The following BLM variants were observed in gnomAD, a reference collection of about 807,000 sequenced individuals.
The protein encoded by BLM is BLM RecQ like helicase, also known as recQ-like DNA helicase BLM.
A neutral mutation model predicts 135.3 loss-of-function variants in BLM; 95 were observed. That is an observed-to-expected ratio of 0.70 (90% CI 0.59 to 0.83). BLM has a LOEUF of 0.83. BLM is among the 40% of genes least tolerant of loss of function. The probability of loss-of-function intolerance (pLI) is 0.00; values close to 1 mark genes in which losing one functional copy is unlikely to be tolerated. For missense variants in BLM, 1,518 were observed against 1,663.9 expected (o/e 0.91, Z 1.53); for synonymous variants, 520 against 589.2 (o/e 0.88, Z 1.70).
chr15:90,782,479 A>T (rs1343540105), intron 12 of BLM, among the ~76,000 whole-genome samples: 1 of 152,246 alleles, frequency 6.6e-6, no homozygotes, highest in Non-Finnish European at 1.5e-5. Flanking sequence ...CTTAAACAAC[A>T]GAAATTTATT....
At chr15:90,792,262 C>T (rs1375302773) in intron 15 of BLM, among the ~76,000 whole-genome samples, 1 of 151,726 alleles carries the variant, frequency 6.6e-6, no homozygotes, top group East Asian at 1.9e-4. Flanking sequence ...CCCACCACCA[C>T]ACCCAGCTAA....
chr15:90,782,366 C>T (rs1031256163), intron 12 of BLM, among the ~76,000 whole-genome samples: 13 of 151,906 alleles, frequency 8.6e-5, no homozygotes, highest in African/African-American at 2.2e-4. Flanking sequence ...CCAGCCTGGG[C>T]GACAGAGTGA....
At chr15:90,762,172 C>G (rs1441596243) in intron 7 of BLM, among the ~76,000 whole-genome samples, 1 of 152,156 alleles carries the variant, frequency 6.6e-6, no homozygotes, top group Non-Finnish European at 1.5e-5. Flanking sequence ...AGCGTAACTG[C>G]CAGAGCTCCG....
At chr15:90,795,919 A>G (rs1339220442) in intron 16 of BLM, among the ~76,000 whole-genome samples, 1 of 152,186 alleles carries the variant, frequency 6.6e-6, no homozygotes, top group African/African-American at 2.4e-5. Context: ...AAAATCTTGA[A>G]GAAGGGAGTT....
intron 9 of BLM, among the ~76,000 whole-genome samples, 195 bp downstream of exon 9, chr15:90,765,609 T>C (rs1026804994): frequency 6.6e-5 from 10 of 152,256 alleles, no homozygotes; most frequent in Admixed American, 6.5e-4. Context: ...CAAGAATGTA[T>C]CTTAGTAAGA....
At chr15:90,801,072 C>T (rs959816232) in intron 17 of BLM, among the ~76,000 whole-genome samples, 3 of 151,894 alleles carry the variant, frequency 2.0e-5, no homozygotes, top group Non-Finnish European at 4.4e-5. Flanking sequence ...TCACTTGAAT[C>T]TGGGAGGCGG....
intron 12 of BLM, among the ~76,000 whole-genome samples, chr15:90,773,107 A>AAAG (rs1013868360): frequency 2.7e-5 from 4 of 149,522 alleles, no homozygotes; most frequent in African/African-American, 7.4e-5. Context: ...AAAAAAAAAA[A>AAAG]AAAAAAAAAA....
chr15:90,725,735 T>A (rs1368243256), intron 1 of BLM, among the ~76,000 whole-genome samples: 2 of 150,474 alleles, frequency 1.3e-5, no homozygotes, highest in Non-Finnish European at 3.0e-5. Context: ...GTGGTCTCAA[T>A]CTCCTGACCT....
At position 90,794,033 on chromosome 15, in the gene BLM, C is replaced by T. The variant is rs964666272; in HGVS notation, c.3020-134C>T. ...CTCAGTTAATTATAATATAGAATGC[C>T]ATGTTGACAATGCTGTTAACAGTAA... On this transcript the variant is annotated intron_variant, in intron 15 of 21. Transcript: ENST00000355112. The T allele has an allele frequency of 7.2e-6, 4 of 552,454 alleles. No individual in the cohort carries two copies. In the Admixed American group the frequency reaches 1.1e-4, roughly 15 times the overall value. 34.2% of individuals were successfully genotyped at this position (552,454 alleles called of 1,614,324 possible). A position where few individuals can be genotyped will look rare whatever the true frequency, so the allele number is the denominator to read the frequency against.
chr15:90,788,471 G>GTTTTTTTTTTTTTTTT (rs35158343), intron 14 of BLM, among the ~76,000 whole-genome samples: 7 of 95,006 alleles, frequency 7.4e-5, no homozygotes, highest in Admixed American at 2.6e-4. Flanking sequence ...CCAGTGTTTT[G>GTTTTTTTTTTTTTTTT]TTTTTTTTTT....
At chr15:90,743,209 G>A (rs1895415016) in intron 1 of BLM, among the ~76,000 whole-genome samples, 2 of 151,690 alleles carry the variant, frequency 1.3e-5, no homozygotes, top group South Asian at 4.2e-4. Flanking sequence ...AAACTCCTGG[G>A]CTCAAGCCAT....
chr15:90,745,792 C>T (rs1230465236), intron 1 of BLM, among the ~76,000 whole-genome samples: 1 of 152,228 alleles, frequency 6.6e-6, no homozygotes, highest in East Asian at 1.9e-4. Context: ...AAAAGTCTTA[C>T]AGCTGGCTAC....
In BLM at chr15:90,769,202, G is replaced by C; in HGVS notation, c.2377G>C (p.Val793Leu). The C allele has an allele frequency of 1.2e-6, 2 of 1,613,444 alleles. No individual in the cohort carries two copies. The highest frequency in any genetic ancestry group is 1.7e-6 in the Non-Finnish European group (2 of 1,179,368). The change falls in exon 11 of 22, where the codon GTT (valine) becomes CTT (leucine). Residue 793 changes from valine to leucine, a missense_variant. Coordinates refer to ENST00000355112, the MANE Select transcript of BLM (RefSeq NM_000057.4). Reference protein sequence around the residue: ...LYERKLLARFVIDEAHCVSQW... With the variant: ...LYERKLLARFLIDEAHCVSQW... The stretch of plus-strand genomic sequence containing the variant: ...TGAGAGGAAGCTCTTGGCACGTTTT[G>C]TTATTGATGAAGCACATTGTGTCAG...
intron 9 of BLM, among the ~76,000 whole-genome samples, chr15:90,766,628 G>A (rs544534134): frequency 6.6e-5 from 10 of 151,976 alleles, no homozygotes; most frequent in East Asian, 1.9e-4. Context: ...GGGTTTCTCC[G>A]TGTTGGCCAT....
At chr15:90,775,644 TG>T (rs1382744402) in intron 12 of BLM, among the ~76,000 whole-genome samples, 2 of 151,890 alleles carry the variant, frequency 1.3e-5, no homozygotes, top group Non-Finnish European at 2.9e-5. Flanking sequence ...CCTGAGTAGC[TG>T]GGACTACAGG....
chr15:90,750,163 C>T (rs1895644481), intron 3 of BLM, 96 bp downstream of exon 3: 2 of 1,362,442 alleles, frequency 1.5e-6, no homozygotes, highest in Non-Finnish European at 2.0e-6. Flanking sequence ...GAGCTTTTGT[C>T]CTTAAGGTTG....
chr15:90,809,805 G>A (rs2151198767), intron 20 of BLM, among the ~76,000 whole-genome samples: 1 of 152,308 alleles, frequency 6.6e-6, no homozygotes, highest in Non-Finnish European at 1.5e-5. Flanking sequence ...CTGTCCTGTG[G>A]CACTTCTAAT....
rs142697585 is a variant in BLM at position 90,729,172 on chromosome 15, T to C, written c.-5+11732T>C. Among the ~76,000 whole-genome samples the C allele has an allele frequency of 1.8e-3, 276 of 152,124 alleles. 1 individual carries two copies. Among genetic ancestry groups the C allele is most frequent in the African/African-American group, 6.0e-3 (250 of 41,528 alleles). Reference sequence around the variant, plus strand: ...TAAAAATACAAAAATTAGCCAGGCATGGTGGTACGCGCTTGTAATCCCAGC... The same window carrying C: ...TAAAAATACAAAAATTAGCCAGGCACGGTGGTACGCGCTTGTAATCCCAGC... On this transcript the variant is annotated intron_variant, in intron 1 of 21. Transcript: ENST00000355112.
chr15:90,745,550 C>G (rs1476771642), intron 1 of BLM, among the ~76,000 whole-genome samples: 4 of 152,034 alleles, frequency 2.6e-5, no homozygotes, highest in Admixed American at 6.5e-5. Flanking sequence ...GCAGGGACCA[C>G]AGGCCCGCAC....
Sources: gnomAD v4.1 joint callset for allele counts (sites outside exome capture counted in the v4.1 genomes callset) on GRCh38, gnomAD v4.1.1 for gene constraint, MANE v1.5 for transcripts, NCBI Gene and HGNC (gene_info 2026-07-23, HGNC 2026-07-21) for gene names.